Variants in CDH20 observed in about 807,000 individuals in gnomAD.
The protein encoded by CDH20 is cadherin 20.
CDH20 carries 29 observed loss-of-function variants against 74.2 expected under a neutral mutation model. The ratio of observed to expected loss-of-function variants is 0.39; its 90% CI spans 0.29 to 0.53. The LOEUF (loss-of-function observed/expected upper bound fraction) is 0.53. CDH20 is among the 20% of genes least tolerant of loss of function. The probability of loss-of-function intolerance (pLI) is 0.69; values close to 1 mark genes in which losing one functional copy is unlikely to be tolerated. For missense variants in CDH20, 988 were observed against 1,048.3 expected, an observed-to-expected ratio of 0.94 and a Z score of 0.79; for synonymous variants, 469 against 405.4, an observed-to-expected ratio of 1.16 and a Z score of -1.88.
chr18:61,491,263 A>G (rs988757403), intron 2 of CDH20, among the ~76,000 whole-genome samples: 1 of 152,218 alleles, frequency 6.6e-6, no homozygotes, highest in African/African-American at 2.4e-5. Flanking sequence ...AGAAGATCTT[A>G]GCATGTGCTT....
chr18:61,374,777 TAC>T (rs1911160367), intron 1 of CDH20, among the ~76,000 whole-genome samples: 1 of 152,114 alleles, frequency 6.6e-6, no homozygotes, highest in African/African-American at 2.4e-5. Context: ...TGCACCTGTC[TAC>T]ACAAAGCAAG....
intron 1 of CDH20, among the ~76,000 whole-genome samples, chr18:61,439,850 G>C (rs919352091): frequency 2.0e-5 from 3 of 152,114 alleles, no homozygotes; most frequent in African/African-American, 7.2e-5. Context: ...AGGTGAGTTG[G>C]CTAAGGAAAA....
chr18:61,502,871 C>A, intron 4 of CDH20, 82 bp from the exon 5 acceptor site: 1 of 1,174,564 alleles, frequency 8.5e-7, no homozygotes, highest in Non-Finnish European at 1.2e-6. Flanking sequence ...TAATGGTGCA[C>A]CAGGGAGACA....
At chr18:61,543,169 C>A (rs1271436324) in intron 9 of CDH20, among the ~76,000 whole-genome samples, 1 of 152,154 alleles carries the variant, frequency 6.6e-6, no homozygotes, top group Non-Finnish European at 1.5e-5. Context: ...CTCCCCCTAC[C>A]ACCACCCCCA....
intron 2 of CDH20, among the ~76,000 whole-genome samples, chr18:61,496,376 A>G (rs1911161914): frequency 6.7e-6 from 1 of 148,782 alleles, no homozygotes; most frequent in Non-Finnish European, 1.5e-5. Context: ...CCTCCTGGAA[A>G]GCTGCTCCTA....
At chr18:61,438,783 T>A (rs1263632053) in intron 1 of CDH20, among the ~76,000 whole-genome samples, 2 of 152,150 alleles carry the variant, frequency 1.3e-5, no homozygotes, top group Non-Finnish European at 2.9e-5. Flanking sequence ...TAAATCATTC[T>A]ACCAAAAAGA....
chr18:61,521,443 A>G (rs1371479150), intron 6 of CDH20, among the ~76,000 whole-genome samples: 1 of 151,278 alleles, frequency 6.6e-6, no homozygotes, highest in East Asian at 1.9e-4. Context: ...AGGCCTACCA[A>G]CCAAAAAAGC....
intron 1 of CDH20, among the ~76,000 whole-genome samples, chr18:61,350,826 G>A (rs535207626): frequency 1.3e-5 from 2 of 152,102 alleles, no homozygotes; most frequent in Admixed American, 6.6e-5. Flanking sequence ...AGTCACCAGG[G>A]GAGCAAAGAC....
At chr18:61,455,649 T>C (rs1006616945) in intron 1 of CDH20, among the ~76,000 whole-genome samples, 3 of 152,148 alleles carry the variant, frequency 2.0e-5, no homozygotes, top group Non-Finnish European at 2.9e-5. Context: ...TTCTTCAATA[T>C]GGCTATTTAT....
chr18:61,456,555 A>G (rs1452773031), intron 1 of CDH20, among the ~76,000 whole-genome samples: 1 of 152,212 alleles, frequency 6.6e-6, no homozygotes, highest in Non-Finnish European at 1.5e-5. Context: ...AAACAAACAA[A>G]AAGTTTGGAG....
chr18:61,362,905 C>G (rs1910746712), intron 1 of CDH20, among the ~76,000 whole-genome samples: 1 of 151,956 alleles, frequency 6.6e-6, no homozygotes, highest in Non-Finnish European at 1.5e-5. Context: ...CACTTTTGGC[C>G]AATGATGAAA....
intron 1 of CDH20, among the ~76,000 whole-genome samples, chr18:61,339,514 C>A (rs1909867510): frequency 6.6e-6 from 1 of 151,852 alleles, no homozygotes; most frequent in Non-Finnish European, 1.5e-5. Flanking sequence ...ACTTTTGAAG[C>A]CCCCAGTGTC....
chr18:61,433,825 C>T (rs1322741387), intron 1 of CDH20, among the ~76,000 whole-genome samples: 1 of 152,146 alleles, frequency 6.6e-6, no homozygotes, highest in Non-Finnish European at 1.5e-5. Context: ...TTTTGGCTTG[C>T]ATTGGCTTTC....
intron 6 of CDH20, among the ~76,000 whole-genome samples, chr18:61,510,086 C>G (rs190169239): frequency 6.6e-6 from 1 of 151,968 alleles, no homozygotes; most frequent in South Asian, 2.1e-4. Context: ...GTTATAAGAG[C>G]GAGGAGTTTG....
chr18:61,397,007 A>G (rs960940992), intron 1 of CDH20, among the ~76,000 whole-genome samples: 2 of 152,130 alleles, frequency 1.3e-5, no homozygotes, highest in Non-Finnish European at 2.9e-5. Context: ...TTTGGTTTCT[A>G]TGCTGTACTG....
intron 5 of CDH20, among the ~76,000 whole-genome samples, chr18:61,506,806 A>G (rs1486595596): frequency 6.6e-6 from 1 of 152,138 alleles, no homozygotes; most frequent in Non-Finnish European, 1.5e-5. Flanking sequence ...TCTGGGGTGT[A>G]AGGACACACT....
At chr18:61,384,469 G>A (rs1035025878) in intron 1 of CDH20, among the ~76,000 whole-genome samples, 2 of 152,148 alleles carry the variant, frequency 1.3e-5, no homozygotes, top group Non-Finnish European at 2.9e-5. Flanking sequence ...TTACAATGTA[G>A]CATCTTTTCT....
chr18:61,401,071 C>T (rs996007088), intron 1 of CDH20, among the ~76,000 whole-genome samples: 1 of 152,178 alleles, frequency 6.6e-6, no homozygotes, highest in Non-Finnish European at 1.5e-5. Context: ...TCAAACTATG[C>T]TCTCCGTGCA....
intron 6 of CDH20, among the ~76,000 whole-genome samples, chr18:61,508,056 A>G (rs1162496828): frequency 3.9e-5 from 6 of 152,244 alleles, no homozygotes; most frequent in Admixed American, 3.9e-4. Flanking sequence ...TAGCTGCTGA[A>G]TGGCTGTTAT....
Sources: allele counts gnomAD v4.1 joint callset (sites outside exome capture counted in the v4.1 genomes callset), GRCh38; gene constraint gnomAD v4.1.1; transcripts MANE v1.5; gene names NCBI Gene and HGNC (gene_info 2026-07-23, HGNC 2026-07-21).